WDR93: variants seen among roughly 807,000 people sequenced by gnomAD.
WDR93 encodes the protein WD repeat domain 93.
Under a neutral mutation model 82.9 loss-of-function variants are expected in WDR93, and 73 were observed. The ratio of observed to expected loss-of-function variants is 0.88; its 90% CI spans 0.73 to 1.07. WDR93 has a LOEUF of 1.07. WDR93 is among the 50% of genes least tolerant of loss of function. WDR93 has a pLI of 0.00. For synonymous variants in WDR93, 283 were observed against 300.1 expected, an observed-to-expected ratio of 0.94 and a Z score of 0.59; for missense variants, 738 against 826.0, an observed-to-expected ratio of 0.89 and a Z score of 1.31.
intron 7 of WDR93, chr15:89,721,207 T>C (rs1383261507): frequency 1.3e-5 from 2 of 152,238 alleles, no homozygotes; most frequent in African/African-American, 2.4e-5. Flanking sequence ...TGTGTCATTA[T>C]ATTTAATATA....
intron 6 of WDR93, 50 bp downstream of exon 6, chr15:89,715,145 C>A: frequency 6.6e-7 from 1 of 1,523,738 alleles, no homozygotes; most frequent in Non-Finnish European, 9.0e-7. Flanking sequence ...TACCCCTGAC[C>A]CACATCTAGC....
chr15:89,710,384 T>A (rs1019452239), intron 4 of WDR93, among the ~76,000 whole-genome samples: 3 of 152,100 alleles, frequency 2.0e-5, no homozygotes, highest in Non-Finnish European at 4.4e-5. Flanking sequence ...ACAGGCGAAA[T>A]TTATCTGTGT....
chr15:89,691,129 G>A (rs1371406634), intron 1 of WDR93, among the ~76,000 whole-genome samples: 2 of 152,140 alleles, frequency 1.3e-5, no homozygotes, highest in Non-Finnish European at 2.9e-5. Flanking sequence ...TCTTTCCCTT[G>A]AGCTACACCA....
At chr15:89,736,324 G>A (rs1262467386) in intron 14 of WDR93, among the ~76,000 whole-genome samples, 2 of 152,178 alleles carry the variant, frequency 1.3e-5, no homozygotes, top group Admixed American at 6.5e-5. Context: ...GATTCCTGGT[G>A]TGGCCCTACG....
chr15:89,712,349 T>G (rs140704132), intron 5 of WDR93, among the ~76,000 whole-genome samples: 129 of 133,760 alleles, frequency 9.6e-4, no homozygotes, highest in African/African-American at 3.5e-3. Context: ...TAACTAACTC[T>G]TAACTACAGA....
intron 16 of WDR93, among the ~76,000 whole-genome samples, chr15:89,739,796 T>C (rs944973656): frequency 6.6e-5 from 10 of 152,194 alleles, no homozygotes; most frequent in Non-Finnish European, 1.3e-4. Context: ...CCAATCACCA[T>C]AATGTCTCTT....
In WDR93 at chr15:89,701,352, C is replaced by T. The variant is rs572544585; in HGVS notation, c.-40-355C>T. On this transcript the variant is annotated intron_variant, in intron 1 of 16. Transcript: ENST00000268130. Reference sequence around the variant, plus strand: ...GCTCACTGCCCACCTGGCTTGGGCACAGCCATCTGCAGAGAGAAAGAGAAT... The same window carrying T: ...GCTCACTGCCCACCTGGCTTGGGCATAGCCATCTGCAGAGAGAAAGAGAAT... Among the ~76,000 whole-genome samples, 4 of 152,226 alleles carry T rather than the reference C, an allele frequency of 2.6e-5. No individual in the cohort carries two copies. In the South Asian group the frequency reaches 8.3e-4, roughly 32 times the overall value.
intron 13 of WDR93, 32 bp from the exon 14 acceptor site, chr15:89,735,458 A>C: frequency 6.2e-7 from 1 of 1,608,380 alleles, no homozygotes; most frequent in Non-Finnish European, 8.5e-7. Flanking sequence ...CTCTTAAAGT[A>C]GGAGAATGTC....
rs1023637492 is a variant in WDR93 at position 89,722,117 on chromosome 15, C to G, written c.858C>G (p.Ile286Met). ...KLSLPVYIMK[I>M]KPPKPVTGTT... is the part of the protein sequence containing the mutation. ...GTCTTCCAGTTTACATAATGAAGAT[C>G]AAACCACCTAAGCCTGTTACAGGTA... Residue 286 changes from isoleucine to methionine, a missense_variant, in exon 8 of 17, where the codon ATC (isoleucine) becomes ATG (methionine). Coordinates refer to ENST00000268130, the MANE Select transcript of WDR93 (RefSeq NM_020212.2). 6.2e-7 allele frequency: 1 copy of G among 1,607,828 alleles called. No individual in the cohort carries two copies. The highest frequency in any genetic ancestry group is 8.5e-7 in the Non-Finnish European group (1 of 1,177,614).
intron 1 of WDR93, among the ~76,000 whole-genome samples, chr15:89,691,595 C>T (rs1964887154): frequency 6.6e-6 from 1 of 152,144 alleles, no homozygotes; most frequent in South Asian, 2.1e-4. Flanking sequence ...TGGTGGGCGC[C>T]TGTAATCCCA....
chr15:89,741,189 A>G (rs546237507), intron 16 of WDR93, among the ~76,000 whole-genome samples: 4 of 152,362 alleles, frequency 2.6e-5, no homozygotes, highest in Non-Finnish European at 4.4e-5. Context: ...GCTATTACAC[A>G]TAAATCACAC....
At position 89,712,053 on chromosome 15, in the gene WDR93, A is replaced by G. The variant is rs112224433; in HGVS notation, c.589A>G (p.Ile197Val). Reference protein sequence around the residue: ...VDDTSKQTTCIKMEISQGGDF... With the variant: ...VDDTSKQTTCVKMEISQGGDF... The stretch of plus-strand genomic sequence containing the variant: ...TGATACCAGCAAGCAAACTACCTGT[A>G]TAAAGATGGAGATCTCTCAAGGAGG... Residue 197 changes from isoleucine (I) to valine (V), a missense_variant, in exon 5 of 17, where the codon ATA (isoleucine) becomes GTA (valine). Coordinates refer to ENST00000268130, the MANE Select transcript of WDR93 (RefSeq NM_020212.2). 0.025 allele frequency: 40,647 copies of G among 1,613,264 alleles called. 600 individuals carry two copies. The highest frequency in any genetic ancestry group is 0.031 in the Non-Finnish European group (36,279 of 1,179,398).
intron 7 of WDR93, among the ~76,000 whole-genome samples, chr15:89,718,200 G>A (rs1485767547): frequency 1.3e-5 from 2 of 152,202 alleles, no homozygotes; most frequent in Non-Finnish European, 2.9e-5. Flanking sequence ...AAATGGCCGG[G>A]TGCAGTGGCT....
At position 89,738,353 on chromosome 15, in the gene WDR93, G is replaced by A. The variant is rs139343683; in HGVS notation, c.1961+117G>A. ...GCATTGAAATTTCCCCTGGCTGGGC[G>A]TGGTGGCTCACGCCTGTAATCCCAG... On this transcript the variant is annotated intron_variant, in intron 16 of 16. Coordinates refer to ENST00000268130, the MANE Select transcript of WDR93 (RefSeq NM_020212.2). 7.7e-4 allele frequency: 989 copies of A among 1,286,204 alleles called. 12 individuals are homozygous for A. In the South Asian group the frequency reaches 9.9e-3, roughly 13 times the overall value. The allele number at this position is 1,286,204 out of a possible 1,614,324, so 79.7% of individuals were successfully genotyped here.
At chr15:89,737,535 C>T in intron 14 of WDR93, 38 bp from the exon 15 acceptor site, 3 of 1,613,218 alleles carry the variant, frequency 1.9e-6, no homozygotes, top group Non-Finnish European at 2.5e-6. Flanking sequence ...GGGACAGAGT[C>T]CAGTAGAAGC....
In WDR93 at chr15:89,720,366, G is replaced by A. The variant is rs1386637573; in HGVS notation, c.796-1689G>A. ...TGGCTCACTGCAACCTCTGCCTCCC[G>A]GGTTCAAGCAATTCTCCTGCCTCAG... On this transcript the variant is annotated intron_variant, in intron 7 of 16. Coordinates refer to ENST00000268130, the MANE Select transcript of WDR93 (RefSeq NM_020212.2). 2.0e-5 allele frequency among the ~76,000 whole-genome samples: 3 copies of A among 151,416 alleles called. No individual in the cohort carries two copies. In the East Asian group the frequency reaches 5.9e-4, roughly 30 times the overall value.
In WDR93 at chr15:89,738,052, C is replaced by T; in HGVS notation, c.1777C>T (p.His593Tyr). Residue 593 changes from histidine to tyrosine, a missense_variant, in exon 16 of 17, where the codon CAT becomes TAT. Transcript: ENST00000268130. Reference sequence around the variant, plus strand: ...TTGTCTCGTCACAGGAGACTATTCACATGAAACTGCGTCCACCGACGATGC... The same window carrying T: ...TTGTCTCGTCACAGGAGACTATTCATATGAAACTGCGTCCACCGACGATGC... ...PCFLLRGDYS[H>Y]ETASTDDAGI... 2 of 1,610,444 alleles carry T rather than the reference C, an allele frequency of 1.2e-6. No individual in the cohort carries two copies. Among genetic ancestry groups the T allele is most frequent in the Non-Finnish European group, 8.5e-7 (1 of 1,178,272 alleles).
intron 9 of WDR93, among the ~76,000 whole-genome samples, chr15:89,727,613 A>T (rs1478048807): frequency 6.6e-6 from 1 of 152,196 alleles, no homozygotes; most frequent in Non-Finnish European, 1.5e-5. Context: ...ACATCAGCAG[A>T]TATTTTGAAA....
At position 89,727,347 on chromosome 15, in the gene WDR93, G is replaced by C. The variant is rs1461897294; in HGVS notation, c.1052+19G>C. 2 of 1,611,484 alleles carry C rather than the reference G, an allele frequency of 1.2e-6. No homozygotes were observed. Among genetic ancestry groups the C allele is most frequent in the Admixed American group, 3.3e-5 (2 of 59,808 alleles). On this transcript the variant is annotated intron_variant, in intron 9 of 16. Transcript: ENST00000268130. ...CACTCAGGTGAGCCTCCTAATCCCG[G>C]GAAAGCCAGGGAGCATCCCCAGGCT...
Sources: allele counts gnomAD v4.1 joint callset (sites outside exome capture counted in the v4.1 genomes callset), GRCh38; gene constraint gnomAD v4.1.1; transcripts MANE v1.5; gene names NCBI Gene and HGNC (gene_info 2026-07-23, HGNC 2026-07-21).